Variants in ADAM28 observed in about 807,000 individuals in gnomAD.
The protein encoded by ADAM28 is disintegrin and metalloproteinase domain-containing protein 28.
In ADAM28, 105 loss-of-function variants were observed where a neutral mutation model predicts 101.2. The ratio of observed to expected loss-of-function variants is 1.04; its 90% CI spans 0.89 to 1.22. The LOEUF (loss-of-function observed/expected upper bound fraction) is 1.22. Ranked by LOEUF, ADAM28 falls within the 50% of genes most tolerant of loss-of-function variation. The probability of loss-of-function intolerance (pLI) is 0.00; values close to 1 mark genes in which losing one functional copy is unlikely to be tolerated. For missense variants in ADAM28, 1,028 were observed against 945.4 expected, an observed-to-expected ratio of 1.09 and a Z score of -1.15; for synonymous variants, 322 against 310.6, an observed-to-expected ratio of 1.04 and a Z score of -0.39.
chr8:24,329,865 GT>G, intron 10 of ADAM28, 119 bp from the exon 11 acceptor site: 1 of 900,542 alleles, frequency 1.1e-6, no homozygotes, highest in Non-Finnish European at 1.7e-6. Flanking sequence ...GTGTGTGTGT[GT>G]GTTTGTGTGT....
At chr8:24,310,124 G>T in intron 3 of ADAM28, 39 bp from the exon 4 acceptor site, 1 of 1,598,906 alleles carries the variant, frequency 6.3e-7, no homozygotes, top group African/African-American at 1.3e-5. Flanking sequence ...TTAGCAATCA[G>T]CACAAGTAAC....
In ADAM28 at chr8:24,341,725, G is replaced by A. The variant is rs763748744; in HGVS notation, c.1798G>A (p.Val600Met). 2 of 1,613,812 alleles carry A rather than the reference G, an allele frequency of 1.2e-6. No individual in the cohort carries two copies. Among genetic ancestry groups the A allele is most frequent in the Non-Finnish European group, 8.5e-7 (1 of 1,179,808 alleles). ...AGACACAAGTCAAGAAATAGGCATG[G>A]TGGCCAATGGAACTAAGTGTGGCGA... ...PEDTSQEIGM[V>M]ANGTKCGDNK... Residue 600 changes from valine to methionine, a missense_variant, in exon 16 of 23, where the codon GTG becomes ATG. By Grantham distance (21) the Val-to-Met change is conservative. Coordinates refer to ENST00000265769, the MANE Select transcript of ADAM28 (RefSeq NM_014265.6).
Position 24,331,151 on chromosome 8 carries a change from T to A in ADAM28, c.1105T>A (p.Phe369Ile), listed in dbSNP as rs1813307073. Residue 369 changes from phenylalanine (F) to isoleucine (I), a missense_variant and splice_region_variant, in exon 12 of 23, where the codon TTC becomes ATC. Physicochemically the swap from Phe to Ile is conservative, Grantham distance 21 (BLOSUM62 0). Transcript: ENST00000265769. ...GTTTTTCTTTCCTTATCTTCACAGC[T>A]TCTATATACCCACAGACTTCAGTTC... ...TICVMDKALS[F>I]YIPTDFSSCS... The A allele has an allele frequency of 6.2e-7, 1 of 1,605,772 alleles. No individual in the cohort carries two copies. The highest frequency in any genetic ancestry group is 2.2e-5 in the East Asian group (1 of 44,746).
At chr8:24,305,631 A>T (rs1413539709) in intron 2 of ADAM28, among the ~76,000 whole-genome samples, 1 of 151,980 alleles carries the variant, frequency 6.6e-6, no homozygotes, top group African/African-American at 2.4e-5. Context: ...AAGAGTATTA[A>T]ATAAACACCA....
chr8:24,306,590 G>A (rs1262277048), intron 2 of ADAM28, among the ~76,000 whole-genome samples: 1 of 151,560 alleles, frequency 6.6e-6, no homozygotes, highest in African/African-American at 2.4e-5. Context: ...AATATAGGAT[G>A]CCCAGTTAAA....
At chr8:24,351,044 T>C (rs1485315207) in intron 19 of ADAM28, among the ~76,000 whole-genome samples, 188 bp from the exon 20 acceptor site, 1 of 152,036 alleles carries the variant, frequency 6.6e-6, no homozygotes, top group African/African-American at 2.4e-5. Flanking sequence ...CTAGTAGTGA[T>C]TATGAATTAC....
chr8:24,294,465 C>T (rs1203666672), intron 1 of ADAM28, among the ~76,000 whole-genome samples: 1 of 152,070 alleles, frequency 6.6e-6, no homozygotes, highest in Non-Finnish European at 1.5e-5. Flanking sequence ...CAATTTCATA[C>T]AGCACAATTT....
intron 12 of ADAM28, among the ~76,000 whole-genome samples, 181 bp from the exon 13 acceptor site, chr8:24,332,475 TAAAC>T (rs1282646407): frequency 4.6e-5 from 7 of 152,188 alleles, no homozygotes; most frequent in Non-Finnish European, 8.8e-5. Flanking sequence ...GGAATTCAGA[TAAAC>T]AACAAACCAT....
chr8:24,305,451 C>CTTTTTTT (rs10654023), intron 2 of ADAM28, among the ~76,000 whole-genome samples: 20 of 65,456 alleles, frequency 3.1e-4, no homozygotes, highest in East Asian at 5.5e-4. Context: ...TAAGAGGTTT[C>CTTTTTTT]TTTTTTTTTT....
rs7829965 is a variant in ADAM28 at position 24,349,925 on chromosome 8, G to A, written c.2052G>A (p.Met684Ile). The change falls in exon 19 of 23, where the codon ATG becomes ATA. Residue 684 changes from methionine to isoleucine, a missense_variant. Physicochemically the swap from Met to Ile is conservative, Grantham distance 10. Coordinates refer to ENST00000265769, the MANE Select transcript of ADAM28 (RefSeq NM_014265.6). ...CGGTCATTTTTGTGGTGGTTGCTAT[G>A]GTAATCCGGCACCAGAGCTCCAGAG... Reference protein sequence around the residue: ...PMAVIFVVVAMVIRHQSSREK... With the variant: ...PMAVIFVVVAIVIRHQSSREK... 0.039 allele frequency: 62,899 copies of A among 1,613,246 alleles called. 1,980 individuals are homozygous for A. Among genetic ancestry groups the A allele is most frequent in the East Asian group, 0.12 (5,441 of 44,774 alleles).
At position 24,357,572 on chromosome 8, in the gene ADAM28, T is replaced by G. The variant is rs1351654552; in HGVS notation, c.*3168T>G. 1 of 152,080 alleles carries G rather than the reference T, an allele frequency of 6.6e-6. No individual in the cohort carries two copies. The highest frequency in any genetic ancestry group is 1.5e-5 in the Non-Finnish European group (1 of 68,004). The allele number at this position is 152,080 out of a possible 1,614,324, so 9.4% of individuals were successfully genotyped here. A position where few individuals can be genotyped will look rare whatever the true frequency, so the allele number is the denominator to read the frequency against. On this transcript the variant is annotated 3_prime_UTR_variant, in exon 23 of 23. Transcript: ENST00000265769. ...AGAGCTTACTATCTCGACAAAAGCATGGGGGAAACCACCCCCATGATCCAA... is the reference window on the plus strand; with the variant it reads ...AGAGCTTACTATCTCGACAAAAGCAGGGGGGAAACCACCCCCATGATCCAA...
At chr8:24,315,052 C>T (rs1810983490) in intron 6 of ADAM28, among the ~76,000 whole-genome samples, 1 of 150,314 alleles carries the variant, frequency 6.7e-6, no homozygotes, top group South Asian at 2.1e-4. Context: ...ATCTATAAAA[C>T]AAAATGGCAG....
chr8:24,325,889 A>AAAAAAAAAAAAAAAAAAC lies in ADAM28; in HGVS notation c.891-654_891-653insAAAAAACAAAAAAAAAAA, dbSNP rs1563297002. 5.7e-4 allele frequency among the ~76,000 whole-genome samples: 81 copies of AAAAAAAAAAAAAAAAAAC among 141,992 alleles called. 3 individuals carry two copies. Among genetic ancestry groups the AAAAAAAAAAAAAAAAAAC allele is most frequent in the African/African-American group, 2.2e-3 (78 of 36,034 alleles). The allele number at this position is 141,992 out of a possible 152,430, so 93.2% of individuals were successfully genotyped here. Reference sequence around the variant, plus strand: ...CAGATAGCAAAAAAAAAAAAAAAAAAAAAAAAAAAAACCAAAAAACAAAAA... The same window carrying AAAAAAAAAAAAAAAAAAC: ...CAGATAGCAAAAAAAAAAAAAAAAAAAAAAAAAAAAAAAAAAACAAAAAAAAAAACCAAAAAACAAAAA... On this transcript the variant is annotated intron_variant, in intron 9 of 22. Transcript: ENST00000265769.
At chr8:24,301,946 CTATTT>C (rs1444292966) in intron 2 of ADAM28, among the ~76,000 whole-genome samples, 2 of 151,994 alleles carry the variant, frequency 1.3e-5, no homozygotes, top group African/African-American at 4.8e-5. Flanking sequence ...TTTGAAAATT[CTATTT>C]TAAGTTCTGG....
chr8:24,352,967 G>T (rs1816348122), intron 21 of ADAM28, among the ~76,000 whole-genome samples: 1 of 152,066 alleles, frequency 6.6e-6, no homozygotes, highest in African/African-American at 2.4e-5. Flanking sequence ...TCTCTCACCT[G>T]CTCATTGCAA....
intron 7 of ADAM28, 101 bp downstream of exon 7, chr8:24,320,408 A>G (rs976374843): frequency 1.2e-6 from 1 of 809,538 alleles, no homozygotes; most frequent in African/African-American, 1.8e-5. Flanking sequence ...TTAAAGAATC[A>G]TGAATATGAG....
chr8:24,298,758 G>A (rs1808309209), intron 1 of ADAM28, among the ~76,000 whole-genome samples: 1 of 152,128 alleles, frequency 6.6e-6, no homozygotes, highest in Non-Finnish European at 1.5e-5. Context: ...CTACATTTTG[G>A]TTAAGCCTGT....
intron 19 of ADAM28, among the ~76,000 whole-genome samples, chr8:24,350,959 C>G (rs1219726095): frequency 6.7e-6 from 1 of 149,514 alleles, no homozygotes; most frequent in Non-Finnish European, 1.5e-5. Flanking sequence ...ATTAATAAAA[C>G]AACATAATTT....
intron 19 of ADAM28, among the ~76,000 whole-genome samples, chr8:24,350,615 GC>G (rs1815985004): frequency 6.6e-6 from 1 of 152,138 alleles, no homozygotes; most frequent in Non-Finnish European, 1.5e-5. Context: ...CCGGCCGTGT[GC>G]TAAGCCCTTT....
Sources: gnomAD v4.1 joint callset for allele counts (sites outside exome capture counted in the v4.1 genomes callset) on GRCh38, gnomAD v4.1.1 for gene constraint, MANE v1.5 for transcripts, NCBI Gene and HGNC (gene_info 2026-07-23, HGNC 2026-07-21) for gene names.